EFCAB11: variants seen among roughly 807,000 people sequenced by gnomAD.
EFCAB11 encodes the protein EF-hand calcium binding domain 11.
EFCAB11 carries 14 observed loss-of-function variants against 23.0 expected under a neutral mutation model. That is an observed-to-expected ratio of 0.61 (90% CI 0.40 to 0.95). EFCAB11 has a LOEUF of 0.95. Among genes scored for constraint, EFCAB11 ranks in the 40% least tolerant of loss-of-function variants. EFCAB11 has a pLI of 0.00. For synonymous variants in EFCAB11, 65 were observed against 66.6 expected (o/e 0.98, Z 0.11); for missense variants, 198 against 195.8 (o/e 1.01, Z -0.07).
At chr14:89,806,157 G>A (rs1885962360) in intron 5 of EFCAB11, among the ~76,000 whole-genome samples, 2 of 152,150 alleles carry the variant, frequency 1.3e-5, no homozygotes, top group South Asian at 4.1e-4. Flanking sequence ...GTAAAATACA[G>A]TCACAGCTTA....
At chr14:89,834,404 C>CT (rs1887002839) in intron 5 of EFCAB11, among the ~76,000 whole-genome samples, 1 of 26,670 alleles carries the variant, frequency 3.7e-5, no homozygotes, top group African/African-American at 9.3e-5. Context: ...AAAAAAAAAA[C>CT]CTTTTTGTTT....
intron 5 of EFCAB11, chr14:89,924,750 G>C (rs1353738901): frequency 1.3e-6 from 2 of 1,502,992 alleles, no homozygotes; most frequent in African/African-American, 2.8e-5. Context: ...AAAATGGAAA[G>C]CAAAGCCACA....
At chr14:89,916,120 C>A (rs901084563) in intron 5 of EFCAB11, among the ~76,000 whole-genome samples, 5 of 151,520 alleles carry the variant, frequency 3.3e-5, no homozygotes, top group African/African-American at 1.2e-4. Context: ...ATTTTTCCCC[C>A]CAAAACAATT....
intron 5 of EFCAB11, among the ~76,000 whole-genome samples, chr14:89,887,411 A>G (rs868243192): frequency 6.6e-6 from 1 of 152,228 alleles, no homozygotes; most frequent in Non-Finnish European, 1.5e-5. Flanking sequence ...TTCTAAGCCT[A>G]TGGAAACACA....
At chr14:89,872,275 T>C (rs781399225) in intron 5 of EFCAB11, among the ~76,000 whole-genome samples, 6 of 152,196 alleles carry the variant, frequency 3.9e-5, no homozygotes, top group African/African-American at 1.4e-4. Flanking sequence ...ATTCAGTTGA[T>C]AAGACAAAGG....
intron 5 of EFCAB11, among the ~76,000 whole-genome samples, chr14:89,813,976 G>GACT (rs1555370383): frequency 6.6e-6 from 1 of 151,806 alleles, no homozygotes; most frequent in African/African-American, 2.4e-5. Context: ...CTCTTTCAGT[G>GACT]ACTACATGGT....
At chr14:89,834,401 A>C (rs796512455) in intron 5 of EFCAB11, among the ~76,000 whole-genome samples, 2,896 of 149,690 alleles carry the variant, frequency 0.019, 65 homozygotes, top group African/African-American at 0.034. Context: ...AAAAAAAAAA[A>C]AACCTTTTTG....
At chr14:89,919,215 AG>A (rs1435619088) in intron 5 of EFCAB11, among the ~76,000 whole-genome samples, 1 of 151,978 alleles carries the variant, frequency 6.6e-6, no homozygotes, top group African/African-American at 2.4e-5. Context: ...AGAGAGAGAG[AG>A]AGAGAGAGAG....
intron 5 of EFCAB11, among the ~76,000 whole-genome samples, chr14:89,893,423 C>G (rs1482938152): frequency 6.6e-6 from 1 of 152,140 alleles, no homozygotes; most frequent in East Asian, 1.9e-4. Context: ...CTGTGATGAG[C>G]CACCAAGATC....
At chr14:89,800,345 G>C (rs1885736635) in intron 5 of EFCAB11, among the ~76,000 whole-genome samples, 1 of 152,192 alleles carries the variant, frequency 6.6e-6, no homozygotes, top group African/African-American at 2.4e-5. Context: ...CCACATGAGA[G>C]ACAAGCTGTG....
At chr14:89,814,702 T>C (rs931344558) in intron 5 of EFCAB11, among the ~76,000 whole-genome samples, 5 of 149,466 alleles carry the variant, frequency 3.3e-5, no homozygotes, top group African/African-American at 7.5e-5. Flanking sequence ...GAAACTCCCT[T>C]TCAAAAAAAA....
intron 5 of EFCAB11, among the ~76,000 whole-genome samples, chr14:89,871,490 C>G (rs1187844482): frequency 6.6e-6 from 1 of 152,154 alleles, no homozygotes; most frequent in African/African-American, 2.4e-5. Context: ...AGCAACCAAC[C>G]CGGGCACTTT....
intron 5 of EFCAB11, among the ~76,000 whole-genome samples, chr14:89,826,715 T>C (rs1041576462): frequency 4.6e-5 from 7 of 152,080 alleles, no homozygotes; most frequent in East Asian, 1.9e-4. Context: ...ATTTTTTTTT[T>C]CCATAAGAAT....
At chr14:89,929,285 A>G (rs1227559918) in intron 5 of EFCAB11, among the ~76,000 whole-genome samples, 7 of 152,094 alleles carry the variant, frequency 4.6e-5, no homozygotes, top group African/African-American at 7.2e-5. Flanking sequence ...CTTGGCCTCA[A>G]GCAGTCCTCC....
chr14:89,868,453 T>A (rs1380886469), intron 5 of EFCAB11, among the ~76,000 whole-genome samples: 2 of 152,190 alleles, frequency 1.3e-5, no homozygotes, highest in African/African-American at 4.8e-5. Context: ...TGAAATTCCA[T>A]CAAATTAAGG....
At chr14:89,924,182 C>G in intron 5 of EFCAB11, 14 of 985,810 alleles carry the variant, frequency 1.4e-5, no homozygotes, top group Non-Finnish European at 1.7e-5. Flanking sequence ...CTCATTTTCA[C>G]CCAATTTCTA....
intron 3 of EFCAB11, among the ~76,000 whole-genome samples, chr14:89,948,986 T>C (rs112528751): frequency 0.034 from 5,235 of 152,206 alleles, 146 homozygotes; most frequent in African/African-American, 0.078. Context: ...AAGAGTATAA[T>C]TGGATTCTTG....
intron 1 of EFCAB11, chr14:89,954,294 T>A: frequency 6.7e-7 from 1 of 1,492,882 alleles, no homozygotes; most frequent in South Asian, 1.2e-5. Flanking sequence ...GTCCTGGAGT[T>A]AGGAAGGTGA....
At chr14:89,801,289 A>G (rs1179156212) in intron 5 of EFCAB11, among the ~76,000 whole-genome samples, 2 of 152,150 alleles carry the variant, frequency 1.3e-5, no homozygotes, top group African/African-American at 4.8e-5. Context: ...TATCTTCACC[A>G]AGGGAGTGCC....
Sources: allele counts gnomAD v4.1 joint callset (sites outside exome capture counted in the v4.1 genomes callset), GRCh38; gene constraint gnomAD v4.1.1; transcripts MANE v1.5; gene names NCBI Gene and HGNC (gene_info 2026-07-23, HGNC 2026-07-21).